Variants in PCDH9 observed in about 807,000 individuals in gnomAD.
PCDH9 encodes the protein protocadherin-9.
PCDH9 carries 24 observed loss-of-function variants against 70.6 expected under a neutral mutation model. The observed-to-expected ratio is 0.34, with a 90% CI of 0.25 to 0.48. The LOEUF is 0.48. Among genes scored for constraint, PCDH9 ranks in the 20% least tolerant of loss-of-function variants. The probability of loss-of-function intolerance (pLI) is 0.99; values close to 1 mark genes in which losing one functional copy is unlikely to be tolerated. For missense variants in PCDH9, 1,281 were observed against 1,503.6 expected (o/e 0.85, Z 2.45); for synonymous variants, 562 against 558.5 (o/e 1.01, Z -0.09).
At chr13:66,954,490 A>G (rs1302616302) in intron 2 of PCDH9, among the ~76,000 whole-genome samples, 1 of 152,192 alleles carries the variant, frequency 6.6e-6, no homozygotes, top group African/African-American at 2.4e-5. Flanking sequence ...TGAAGCTTAC[A>G]GAGAGAGCTG....
At chr13:66,511,617 G>T (rs1405291424) in intron 4 of PCDH9, among the ~76,000 whole-genome samples, 1 of 152,052 alleles carries the variant, frequency 6.6e-6, no homozygotes, top group East Asian at 1.9e-4. Flanking sequence ...GTTAAAGGTG[G>T]GCTTGGTGGG....
intron 2 of PCDH9, among the ~76,000 whole-genome samples, chr13:66,972,506 T>C (rs988290384): frequency 2.0e-5 from 3 of 152,004 alleles, no homozygotes; most frequent in Non-Finnish European, 4.4e-5. Context: ...ATGCAAATTA[T>C]GTGTTTTCAG....
rs535133268 is a variant in PCDH9 at position 66,976,591 on chromosome 13, C to T, written c.3037-72986G>A. 2.6e-5 allele frequency among the ~76,000 whole-genome samples: 4 copies of T among 152,174 alleles called. No individual in the cohort carries two copies. In the South Asian group the frequency reaches 8.3e-4, roughly 32 times the overall value. ...CAATATTTTACTGGGAGTAGCAATT[C>T]CATAAACCCAACAAGGCTCAAGACC... On this transcript the variant is annotated intron_variant, in intron 2 of 4. Coordinates refer to ENST00000377865, the MANE Select transcript of PCDH9 (RefSeq NM_203487.3).
At chr13:66,486,044 A>G (rs1406550315) in intron 4 of PCDH9, among the ~76,000 whole-genome samples, 1 of 152,150 alleles carries the variant, frequency 6.6e-6, no homozygotes, top group Admixed American at 6.5e-5. Flanking sequence ...TTTTATTTTT[A>G]ACACAACATA....
At chr13:66,487,703 A>T (rs1216287748) in intron 4 of PCDH9, among the ~76,000 whole-genome samples, 2 of 152,154 alleles carry the variant, frequency 1.3e-5, no homozygotes, top group Non-Finnish European at 2.9e-5. Context: ...TCAAATCCCT[A>T]TCAAGTTATG....
At chr13:66,390,520 A>G (rs1956999495) in intron 4 of PCDH9, among the ~76,000 whole-genome samples, 1 of 151,952 alleles carries the variant, frequency 6.6e-6, no homozygotes, top group South Asian at 2.1e-4. Context: ...TGGATCACCT[A>G]AGGTCAGGAG....
At chr13:66,661,377 C>T (rs2078006325) in intron 3 of PCDH9, among the ~76,000 whole-genome samples, 1 of 152,152 alleles carries the variant, frequency 6.6e-6, no homozygotes, top group African/African-American at 2.4e-5. Context: ...CCAGCTCTTC[C>T]CCAAAGCATC....
At chr13:66,389,462 A>G (rs893523961) in intron 4 of PCDH9, among the ~76,000 whole-genome samples, 1 of 152,204 alleles carries the variant, frequency 6.6e-6, no homozygotes, top group Non-Finnish European at 1.5e-5. Context: ...TTGAAGCTAT[A>G]ATAATTCTCA....
At chr13:66,398,834 C>A (rs1235794224) in intron 4 of PCDH9, among the ~76,000 whole-genome samples, 1 of 152,100 alleles carries the variant, frequency 6.6e-6, no homozygotes, top group Admixed American at 6.6e-5. Context: ...ATACATTCTG[C>A]ATAAATAGCA....
At chr13:66,559,296 C>G (rs956797531) in intron 4 of PCDH9, among the ~76,000 whole-genome samples, 4 of 139,954 alleles carry the variant, frequency 2.9e-5, no homozygotes, top group African/African-American at 1.0e-4. Context: ...ATTTCCTGAA[C>G]TCCTTCTTTC....
intron 2 of PCDH9, among the ~76,000 whole-genome samples, chr13:67,032,102 G>A (rs907430174): frequency 2.6e-5 from 4 of 152,168 alleles, no homozygotes; most frequent in African/African-American, 9.7e-5. Flanking sequence ...ATAGATTATA[G>A]ATGTAAACAC....
chr13:66,425,524 C>G (rs1957653653), intron 4 of PCDH9, among the ~76,000 whole-genome samples: 1 of 150,788 alleles, frequency 6.6e-6, no homozygotes, highest in Non-Finnish European at 1.5e-5. Flanking sequence ...AACTTCACTC[C>G]AGTAGTTGCA....
intron 4 of PCDH9, among the ~76,000 whole-genome samples, chr13:66,505,908 A>G (rs1175325482): frequency 1.3e-5 from 2 of 152,122 alleles, no homozygotes; most frequent in Non-Finnish European, 2.9e-5. Flanking sequence ...CAGCCTCCCA[A>G]GTAGCTGGGA....
chr13:66,661,666 A>G (rs909907718), intron 3 of PCDH9, among the ~76,000 whole-genome samples: 1 of 152,224 alleles, frequency 6.6e-6, no homozygotes, highest in African/African-American at 2.4e-5. Flanking sequence ...CACATGTACA[A>G]TTAGGTTTAT....
intron 4 of PCDH9, among the ~76,000 whole-genome samples, chr13:66,337,923 G>T (rs1025604576): frequency 1.3e-5 from 2 of 152,010 alleles, no homozygotes; most frequent in African/African-American, 4.8e-5. Context: ...CAACAGTGTT[G>T]AATAACATAC....
chr13:67,056,946 A>G (rs898908522), intron 2 of PCDH9, among the ~76,000 whole-genome samples: 4 of 152,196 alleles, frequency 2.6e-5, no homozygotes, highest in Non-Finnish European at 5.9e-5. Flanking sequence ...GGATACAAAG[A>G]TGAACAATTA....
At chr13:66,759,284 T>G (rs1383752372) in intron 3 of PCDH9, among the ~76,000 whole-genome samples, 1 of 152,054 alleles carries the variant, frequency 6.6e-6, no homozygotes, top group Non-Finnish European at 1.5e-5. Context: ...AAGCCTAATT[T>G]ATTTAATTAA....
chr13:66,746,598 T>C (rs937333737), intron 3 of PCDH9, among the ~76,000 whole-genome samples: 1 of 152,188 alleles, frequency 6.6e-6, no homozygotes, highest in Non-Finnish European at 1.5e-5. Flanking sequence ...CAGCCTTAAA[T>C]ACTTTGAGAA....
chr13:66,552,901 G>A lies in PCDH9; in HGVS notation c.3340+78309C>T, dbSNP rs111663939. On this transcript the variant is annotated intron_variant, in intron 4 of 4. Transcript: ENST00000377865. Reference sequence around the variant, plus strand: ...GAGGTCTCAGGAAATTTACAATCATGGCAGAAGGGGAAGCAAACACGTCCT... The same window carrying A: ...GAGGTCTCAGGAAATTTACAATCATAGCAGAAGGGGAAGCAAACACGTCCT... Among the ~76,000 whole-genome samples the A allele has an allele frequency of 3.8e-3, 581 of 152,168 alleles. 6 individuals are homozygous for A. The highest frequency in any genetic ancestry group is 0.013 in the African/African-American group (558 of 41,538).
Sources: gnomAD v4.1 joint callset for allele counts (sites outside exome capture counted in the v4.1 genomes callset) on GRCh38, gnomAD v4.1.1 for gene constraint, MANE v1.5 for transcripts, NCBI Gene and HGNC (gene_info 2026-07-23, HGNC 2026-07-21) for gene names.